Variants in HDAC10 observed in about 807,000 individuals in gnomAD.
HDAC10 encodes the protein histone deacetylase 10, also known as polyamine deacetylase HDAC10.
HDAC10 carries 90 observed loss-of-function variants against 82.3 expected under a neutral mutation model. That is an observed-to-expected ratio of 1.09 (90% CI 0.92 to 1.30). The LOEUF (loss-of-function observed/expected upper bound fraction) is 1.30, where lower values mean the gene tolerates loss of function less well. Among genes scored for constraint, HDAC10 ranks in the 50% most tolerant of loss-of-function variants. HDAC10 has a pLI of 0.00. For synonymous variants in HDAC10, 456 were observed against 391.7 expected (o/e 1.16, Z -1.94); for missense variants, 934 against 876.3 (o/e 1.07, Z -0.83).
Position 50,247,748 on chromosome 22 carries a change from C to G in HDAC10, c.1366G>C (p.Ala456Pro). The change falls in exon 14 of 20, where the codon GCC (alanine) becomes CCC (proline). Residue 456 changes from alanine to proline, a missense_variant. By Grantham distance (27) the Ala-to-Pro change is conservative (BLOSUM62 -1). Coordinates refer to ENST00000216271, the MANE Select transcript of HDAC10 (RefSeq NM_032019.6). The part of the protein sequence containing the change: ...RPHESLAREE[A>P]LTALGKLLYL... ...AGGAGCTTCCCAAGTGCAGTGAGGG[C>G]CTCCTCCCGGGCCAGGGACTCGTGT... The G allele has an allele frequency of 1.2e-6, 2 of 1,605,388 alleles. No individual in the cohort carries two copies. Among genetic ancestry groups the G allele is most frequent in the Non-Finnish European group, 1.7e-6 (2 of 1,173,852 alleles).
In HDAC10 at chr22:50,249,356, C is replaced by T. The variant is rs753759493; in HGVS notation, c.662G>A (p.Gly221Asp). ...GTTCCAGGGCAGGTTGACAGTGAAG[C>T]CGAGGCCCTGTCCCCGCCCCACTGC... ...ADAVGRGQGL[G>D]FTVNLPWNQV... The change falls in exon 7 of 20, where the codon GGC (glycine) becomes GAC (aspartate). Residue 221 changes from glycine to aspartate, a missense_variant. Gly to Asp is a moderately conservative substitution (Grantham distance 94). Coordinates refer to ENST00000216271, the MANE Select transcript of HDAC10 (RefSeq NM_032019.6). The surrounding 1 kb of genome is among the most constrained non-coding windows in gnomAD (Gnocchi z 4.4). 4 of 1,612,006 alleles carry T rather than the reference C, an allele frequency of 2.5e-6. No homozygotes were observed. The highest frequency in any genetic ancestry group is 3.4e-6 in the Non-Finnish European group (4 of 1,179,704).
chr22:50,250,585 C>T (rs1180167345), intron 2 of HDAC10, 62 bp from the exon 3 acceptor site: 3 of 1,077,458 alleles, frequency 2.8e-6, no homozygotes, highest in African/African-American at 1.6e-5. Flanking sequence ...GGGCGGGAGG[C>T]GGGGACCTGG....
intron 2 of HDAC10, 34 bp downstream of exon 2, chr22:50,250,737 C>G: frequency 5.2e-6 from 8 of 1,531,144 alleles, no homozygotes; most frequent in Non-Finnish European, 7.0e-6. Context: ...CTGCCCGCCC[C>G]GCCCCCCATC....
rs770398056 is a variant in HDAC10, at chr22:50,250,567, G to A, written c.195-44C>T. On this transcript the variant is annotated intron_variant, in intron 2 of 19. Coordinates refer to ENST00000216271, the MANE Select transcript of HDAC10 (RefSeq NM_032019.6). ...GCAGGAGAGGCAGGGTCACCAGCAG[G>A]AGCAGGGGGGCGGGAGGCGGGGACC... The A allele has an allele frequency of 6.7e-6, 10 of 1,482,638 alleles. No homozygotes were observed. In the South Asian group the frequency reaches 9.1e-5, roughly 13 times the overall value. 91.8% of individuals were successfully genotyped at this position (1,482,638 alleles called of 1,614,324 possible).
rs1555912411 is a variant in HDAC10 at position 50,250,123 on chromosome 22, C to T, written c.329G>A (p.Gly110Glu). ...FHCARLAAGA[G>E]LQLVDAVLTG... ...GAGCACAGCGTCCACCAGCTGCAGTCCAGCCCCTGCGGCCAGCCGCGCGCA... is the reference window on the plus strand; with the variant it reads ...GAGCACAGCGTCCACCAGCTGCAGTTCAGCCCCTGCGGCCAGCCGCGCGCA... Residue 110 changes from glycine to glutamate, a missense_variant, in exon 4 of 20, where the codon GGA becomes GAA. Transcript: ENST00000216271. The T allele has an allele frequency of 6.2e-7, 1 of 1,612,696 alleles. No individual in the cohort carries two copies. Among genetic ancestry groups the T allele is most frequent in the South Asian group, 1.1e-5 (1 of 91,082 alleles).
At chr22:50,250,383 G>T (rs755970809) in intron 3 of HDAC10, 44 bp downstream of exon 3, 1 of 1,569,454 alleles carries the variant, frequency 6.4e-7, no homozygotes, top group South Asian at 1.1e-5. Context: ...TCAAAGGCAC[G>T]TGCATGTGTG....
intron 3 of HDAC10, 112 bp from the exon 4 acceptor site, chr22:50,250,272 G>A (rs1219286345): frequency 8.0e-7 from 1 of 1,251,126 alleles, no homozygotes; most frequent in Non-Finnish European, 1.1e-6. Flanking sequence ...GAACAGGCCA[G>A]CCCCAGGCTC....
chr22:50,245,342 C>A lies in HDAC10; in HGVS notation c.*165G>T, dbSNP rs1455809386. 4.0e-6 allele frequency: 2 copies of A among 502,940 alleles called. No individual in the cohort carries two copies. Among genetic ancestry groups the A allele is most frequent in the Admixed American group, 6.2e-5 (2 of 32,068 alleles). The allele number at this position is 502,940 out of a possible 1,614,324, so 31.2% of individuals were successfully genotyped here. A position where few individuals can be genotyped will look rare whatever the true frequency, so the allele number is the denominator to read the frequency against. ...GGGCGAGGTGAGGTGAGGGGTGGAG[C>A]GGGGGAAGCACGGGTGGGAGAGGGC... On this transcript the variant is annotated 3_prime_UTR_variant, in exon 20 of 20. Transcript: ENST00000216271.
In HDAC10 at chr22:50,249,895, T is replaced by C. The variant is rs775347922; in HGVS notation, c.459A>G (p.Ala153=). The C allele has an allele frequency of 8.1e-6, 13 of 1,612,862 alleles. No homozygotes were observed. The highest frequency in any genetic ancestry group is 1.1e-5 in the Non-Finnish European group (13 of 1,179,900). The part of the protein sequence containing the change: ...GFCVFNNVAI[A]AAHAKQKHGL... ...CGTGTTTCTGCTTGGCATGTGCAGC[T>C]GCTATGGCCACGTTGTTGAACACAC... Residue 153 remains alanine (A), a synonymous_variant, in exon 5 of 20, where the codon GCA becomes GCG. Transcript: ENST00000216271. The surrounding 1 kb of genome is among the most constrained non-coding windows in gnomAD (Gnocchi z 4.4).
chr22:50,247,779 G>C lies in HDAC10; in HGVS notation c.1338-3C>G. 6.2e-7 allele frequency: 1 copy of C among 1,612,770 alleles called. No homozygotes were observed. The highest frequency in any genetic ancestry group is 8.5e-7 in the Non-Finnish European group (1 of 1,179,766). ...CCCGGGCCAGGGACTCGTGTGGCCTGTGGTGGACAGACCAGAGGGACACAC... is the reference window on the plus strand; with the variant it reads ...CCCGGGCCAGGGACTCGTGTGGCCTCTGGTGGACAGACCAGAGGGACACAC... On this transcript the variant is annotated splice_polypyrimidine_tract_variant and splice_region_variant and intron_variant, in intron 13 of 19. Transcript: ENST00000216271.
chr22:50,248,571 CT>C lies in HDAC10; in HGVS notation c.906+90del. On this transcript the variant is annotated intron_variant, in intron 10 of 19. Coordinates refer to ENST00000216271, the MANE Select transcript of HDAC10 (RefSeq NM_032019.6). This position sits in a 1 kb window ranked among gnomAD's most constrained non-coding sequence, Gnocchi z 5.4. The stretch of plus-strand genomic sequence containing the variant: ...TGGCTCTATCCCGGGCAGGACGCCC[CT>C]CCCAAATACCCCGTGGGCACCTGGC... 3 of 1,477,884 alleles carry C rather than the reference CT, an allele frequency of 2.0e-6. No individual in the cohort carries two copies. The highest frequency in any genetic ancestry group is 2.7e-6 in the Non-Finnish European group (3 of 1,104,260). The allele number at this position is 1,477,884 out of a possible 1,614,324, so 91.5% of individuals were successfully genotyped here. A position where few individuals can be genotyped will look rare whatever the true frequency, so the allele number is the denominator to read the frequency against.
chr22:50,249,272 G>A lies in HDAC10; in HGVS notation c.690+56C>T. On this transcript the variant is annotated intron_variant, in intron 7 of 19. Transcript: ENST00000216271. The surrounding 1 kb of genome is among the most constrained non-coding windows in gnomAD (Gnocchi z 4.4). ...GGCTTGAGGGTGAACTGTGGGGGAG[G>A]GGAGGGGCCCAGGGGGAGGGGGCTG... 2.0e-6 allele frequency: 3 copies of A among 1,478,352 alleles called. No individual in the cohort carries two copies. Among genetic ancestry groups the A allele is most frequent in the Non-Finnish European group, 1.8e-6 (2 of 1,094,806 alleles). 91.6% of individuals were successfully genotyped at this position (1,478,352 alleles called of 1,614,324 possible).
chr22:50,249,211 G>A lies in HDAC10; in HGVS notation c.691-43C>T. ...GCTACATCCTGAACTGTGGGGCAGG[G>A]GAGGGGCCCGGGGGAGGGGGTGGGT... On this transcript the variant is annotated intron_variant, in intron 7 of 19. Transcript: ENST00000216271. This position sits in a 1 kb window ranked among gnomAD's most constrained non-coding sequence, Gnocchi z 4.4. The A allele has an allele frequency of 2.8e-6, 4 of 1,425,064 alleles. No homozygotes were observed. The highest frequency in any genetic ancestry group is 2.9e-6 in the Non-Finnish European group (3 of 1,048,134). The allele number at this position is 1,425,064 out of a possible 1,614,324, so 88.3% of individuals were successfully genotyped here.
chr22:50,245,664 G>C lies in HDAC10; in HGVS notation c.1986+11C>G, dbSNP rs1274199747. ...CCCAGGGCAGGGCCATGCCTCCGCAGTCAGCCTCACCTGCAACATCTTCCA... is the reference window on the plus strand; with the variant it reads ...CCCAGGGCAGGGCCATGCCTCCGCACTCAGCCTCACCTGCAACATCTTCCA... On this transcript the variant is annotated intron_variant, in intron 19 of 19. Coordinates refer to ENST00000216271, the MANE Select transcript of HDAC10 (RefSeq NM_032019.6). 1 of 1,612,784 alleles carries C rather than the reference G, an allele frequency of 6.2e-7. No homozygotes were observed. Among genetic ancestry groups the C allele is most frequent in the African/African-American group, 1.3e-5 (1 of 74,932 alleles).
Position 50,248,142 on chromosome 22 carries a change from A to G in HDAC10, c.1085T>C (p.Val362Ala). The G allele has an allele frequency of 6.3e-7, 1 of 1,582,582 alleles. No individual in the cohort carries two copies. The highest frequency in any genetic ancestry group is 2.2e-5 in the East Asian group (1 of 44,534). The change falls in exon 13 of 20, where the codon GTG becomes GCG. Residue 362 changes from valine (V) to alanine (A), a missense_variant. Coordinates refer to ENST00000216271, the MANE Select transcript of HDAC10 (RefSeq NM_032019.6). This position sits in a 1 kb window ranked among gnomAD's most constrained non-coding sequence, Gnocchi z 5.4. Reference sequence around the variant, plus strand: ...GCTGGGGCTCATCGGCACAGCGGTCACATCTAGGGACAGTTCGGAGTCATA... The same window carrying G: ...GCTGGGGCTCATCGGCACAGCGGTCGCATCTAGGGACAGTTCGGAGTCATA... ...PHWKSLQQQD[V>A]TAVPMSPSSH...
rs146654992 is a variant in HDAC10, at chr22:50,247,958, C to A, written c.1269G>T (p.Leu423Phe). ...GTTGGATGACGTCAGGGGGCAGAAC[C>A]AATGTGATATCCGGCGTTGTCAGGG... ...AVALTTPDITLVLPPDVIQQE... is the reference protein window; with the variant it reads ...AVALTTPDITFVLPPDVIQQE... Residue 423 changes from leucine (L) to phenylalanine (F), a missense_variant, in exon 13 of 20, where the codon TTG becomes TTT. By Grantham distance (22) the Leu-to-Phe change is conservative. Transcript: ENST00000216271. 3 of 1,612,872 alleles carry A rather than the reference C, an allele frequency of 1.9e-6. No homozygotes were observed. The highest frequency in any genetic ancestry group is 2.5e-6 in the Non-Finnish European group (3 of 1,179,986).
chr22:50,250,658 T>A (rs1352328061), intron 2 of HDAC10, 113 bp downstream of exon 2: 2 of 1,337,660 alleles, frequency 1.5e-6, no homozygotes, highest in Non-Finnish European at 2.1e-6. Context: ...CCGAGGTGCA[T>A]AGGGAGAGGC....
chr22:50,248,836 G>C lies in HDAC10; in HGVS notation c.811C>G (p.Pro271Ala), dbSNP rs781691174. Reference sequence around the variant, plus strand: ...TGGCAAGGCAAGGCCCTCACCTCAGGGTCCCCGATGGCTGAGTCAAATCCT... The same window carrying C: ...TGGCAAGGCAAGGCCCTCACCTCAGCGTCCCCGATGGCTGAGTCAAATCCT... ...SAGFDSAIGD[P>A]EGQMQATPEC... Residue 271 changes from proline to alanine, a missense_variant, in exon 9 of 20, where the codon CCT becomes GCT. By Grantham distance (27) the Pro-to-Ala change is conservative. Transcript: ENST00000216271. This position sits in a 1 kb window ranked among gnomAD's most constrained non-coding sequence, Gnocchi z 5.4. The C allele has an allele frequency of 1.9e-6, 3 of 1,610,850 alleles. No individual in the cohort carries two copies. Among genetic ancestry groups the C allele is most frequent in the African/African-American group, 1.3e-5 (1 of 74,900 alleles).
chr22:50,250,889 C>G lies in HDAC10; in HGVS notation c.76G>C (p.Glu26Gln). 6.2e-7 allele frequency: 1 copy of G among 1,601,612 alleles called. No homozygotes were observed. The highest frequency in any genetic ancestry group is 8.5e-7 in the Non-Finnish European group (1 of 1,174,304). Reference sequence around the variant, plus strand: ...GCTGCGGTCAGGCGCTCAGGACGCTCGATCTCGCACTCGGGGCTGGGGCAG... The same window carrying G: ...GCTGCGGTCAGGCGCTCAGGACGCTGGATCTCGCACTCGGGGCTGGGGCAG... Reference protein sequence around the residue: ...LLWDDPECEIERPERLTAALD... With the variant: ...LLWDDPECEIQRPERLTAALD... Residue 26 changes from glutamate to glutamine, a missense_variant, in exon 2 of 20, where the codon GAG (glutamate) becomes CAG (glutamine). Coordinates refer to ENST00000216271, the MANE Select transcript of HDAC10 (RefSeq NM_032019.6).
Sources: gnomAD v4.1 joint callset for allele counts on GRCh38, gnomAD v4.1.1 for gene constraint, Gnocchi (gnomAD v3.1) non-coding constraint, MANE v1.5 for transcripts, NCBI Gene and HGNC (gene_info 2026-07-23, HGNC 2026-07-21) for gene names.